Variants in IMMP2L observed in about 807,000 individuals in gnomAD.
IMMP2L encodes the protein inner mitochondrial membrane peptidase subunit 2.
Under a neutral mutation model 19.3 loss-of-function variants are expected in IMMP2L, and 18 were observed. The observed-to-expected ratio is 0.93, with a 90% CI of 0.64 to 1.38. The LOEUF (loss-of-function observed/expected upper bound fraction) is 1.38. Among genes scored for constraint, IMMP2L ranks in the 40% most tolerant of loss-of-function variants. The probability of loss-of-function intolerance (pLI) is 0.00; values close to 1 mark genes in which losing one functional copy is unlikely to be tolerated. For missense variants in IMMP2L, 233 were observed against 218.2 expected, an observed-to-expected ratio of 1.07 and a Z score of -0.43; for synonymous variants, 76 against 73.0, an observed-to-expected ratio of 1.04 and a Z score of -0.21.
intron 3 of IMMP2L, among the ~76,000 whole-genome samples, chr7:111,057,367 A>C (rs563774960): frequency 8.5e-5 from 13 of 152,288 alleles, no homozygotes; most frequent in Admixed American, 8.5e-4. Context: ...GTTGGTTTTT[A>C]AAACAATAGT....
chr7:110,738,050 C>A (rs1032051568), intron 5 of IMMP2L, among the ~76,000 whole-genome samples: 2 of 152,220 alleles, frequency 1.3e-5, no homozygotes, highest in Non-Finnish European at 2.9e-5. Context: ...GACAAAAAAT[C>A]TGCACAGCAG....
intron 4 of IMMP2L, among the ~76,000 whole-genome samples, chr7:110,927,278 A>G (rs1305140065): frequency 6.6e-6 from 1 of 152,134 alleles, no homozygotes; most frequent in African/African-American, 2.4e-5. Context: ...CCGTATAGAC[A>G]TAGAGAGAGA....
At chr7:111,524,079 T>C (rs900493826) in intron 1 of IMMP2L, among the ~76,000 whole-genome samples, 1 of 152,106 alleles carries the variant, frequency 6.6e-6, no homozygotes, top group African/African-American at 2.4e-5. Flanking sequence ...GACATATTTA[T>C]CAAATCAGTA....
chr7:110,782,562 G>A (rs1799810707), intron 5 of IMMP2L, among the ~76,000 whole-genome samples: 1 of 151,742 alleles, frequency 6.6e-6, no homozygotes, highest in African/African-American at 2.4e-5. Flanking sequence ...CTGTCAAGCA[G>A]TTTGACACAG....
chr7:111,142,025 C>T (rs899786580), intron 3 of IMMP2L, among the ~76,000 whole-genome samples: 1 of 152,076 alleles, frequency 6.6e-6, no homozygotes, highest in African/African-American at 2.4e-5. Context: ...ATTTTGCATA[C>T]ATGAAAATCT....
rs1562903261 is a variant in IMMP2L at position 110,669,073 on chromosome 7, GTGTGTGTGTGTGTGTGTA to G, written c.409-5370_409-5353del. On this transcript the variant is annotated intron_variant, in intron 5 of 5. Coordinates refer to ENST00000405709, the MANE Select transcript of IMMP2L (RefSeq NM_032549.4). ...TGTGCGTGTGTGTGTGTGTGTGTGT[GTGTGTGTGTGTGTGTGTA>G]TATGTATATATATATATAGAGAGAG... Among the ~76,000 whole-genome samples the G allele has an allele frequency of 7.3e-4, 76 of 104,042 alleles. 1 individual carries two copies. The East Asian group carries it at 0.016, about 22-fold the overall frequency. 68.3% of individuals were successfully genotyped at this position (104,042 alleles called of 152,430 possible).
intron 1 of IMMP2L, among the ~76,000 whole-genome samples, chr7:111,539,210 G>A (rs1436041801): frequency 2.9e-5 from 2 of 67,982 alleles, no homozygotes; most frequent in Non-Finnish European, 6.0e-5. Context: ...AAGAAAGAAA[G>A]AAAGAAAGAA....
intron 5 of IMMP2L, among the ~76,000 whole-genome samples, chr7:110,788,159 C>A (rs1169382662): frequency 1.3e-5 from 2 of 151,972 alleles, no homozygotes; most frequent in Non-Finnish European, 2.9e-5. Context: ...AAAGTCATTA[C>A]TTTCATCTAC....
chr7:111,451,931 T>C (rs772717697), intron 3 of IMMP2L, among the ~76,000 whole-genome samples: 1 of 152,158 alleles, frequency 6.6e-6, no homozygotes, highest in East Asian at 1.9e-4. Context: ...ACACAGGTCA[T>C]AGGGAATAAA....
intron 3 of IMMP2L, among the ~76,000 whole-genome samples, chr7:111,362,455 T>C (rs1025988135): frequency 8.5e-5 from 13 of 152,080 alleles, no homozygotes; most frequent in African/African-American, 2.9e-4. Context: ...TCATTGCTAG[T>C]ATAAGGTTTC....
chr7:111,482,112 T>G (rs921396307), intron 3 of IMMP2L, among the ~76,000 whole-genome samples: 1 of 152,142 alleles, frequency 6.6e-6, no homozygotes, highest in Non-Finnish European at 1.5e-5. Context: ...TCCAAATTAT[T>G]ATGATTTTAA....
chr7:111,376,213 T>A lies in IMMP2L; in HGVS notation c.239+111025A>T, dbSNP rs551038307. ...CAAATATCTAAACAAATCTGACAAG[T>A]TTTTTGGTAAAAAAAATAAATTCCA... On this transcript the variant is annotated intron_variant, in intron 3 of 5. Coordinates refer to ENST00000405709, the MANE Select transcript of IMMP2L (RefSeq NM_032549.4). Among the ~76,000 whole-genome samples the A allele has an allele frequency of 8.5e-5, 13 of 152,104 alleles. No homozygotes were observed. In the South Asian group the frequency reaches 2.7e-3, roughly 32 times the overall value.
At chr7:110,948,131 A>G (rs1194226494) in intron 4 of IMMP2L, among the ~76,000 whole-genome samples, 1 of 152,224 alleles carries the variant, frequency 6.6e-6, no homozygotes, top group African/African-American at 2.4e-5. Context: ...GAGGAGAACC[A>G]TTCAGACTCT....
At chr7:111,242,673 A>G (rs957087893) in intron 3 of IMMP2L, among the ~76,000 whole-genome samples, 1 of 152,040 alleles carries the variant, frequency 6.6e-6, no homozygotes, top group African/African-American at 2.4e-5. Flanking sequence ...GGCCTCGTGC[A>G]TCACTGAATG....
At chr7:111,121,061 T>C (rs1800549199) in intron 3 of IMMP2L, among the ~76,000 whole-genome samples, 1 of 152,164 alleles carries the variant, frequency 6.6e-6, no homozygotes, top group African/African-American at 2.4e-5. Context: ...AAGCAAAGAT[T>C]TGAAATAACA....
chr7:111,040,148 G>A (rs1444936416), intron 3 of IMMP2L, among the ~76,000 whole-genome samples: 2 of 152,058 alleles, frequency 1.3e-5, no homozygotes, highest in African/African-American at 4.8e-5. Context: ...CAGCCTGGGT[G>A]ACAAGACCAA....
intron 3 of IMMP2L, among the ~76,000 whole-genome samples, chr7:111,171,925 G>A (rs1460383308): frequency 1.3e-5 from 2 of 150,930 alleles, no homozygotes; most frequent in African/African-American, 4.8e-5. Context: ...GTGGTTAGGG[G>A]TGAAGAAAGG....
At chr7:111,095,204 G>C (rs1412732835) in intron 3 of IMMP2L, among the ~76,000 whole-genome samples, 1 of 151,972 alleles carries the variant, frequency 6.6e-6, no homozygotes, top group Non-Finnish European at 1.5e-5. Flanking sequence ...GACATTAGTA[G>C]CTAGTCTAAT....
intron 5 of IMMP2L, among the ~76,000 whole-genome samples, chr7:110,744,544 A>C (rs1797200353): frequency 6.6e-6 from 1 of 152,162 alleles, no homozygotes; most frequent in Non-Finnish European, 1.5e-5. Flanking sequence ...AAGCTTCCAG[A>C]GGATAGAATA....
Sources: gnomAD v4.1 joint callset for allele counts (sites outside exome capture counted in the v4.1 genomes callset) on GRCh38, gnomAD v4.1.1 for gene constraint, MANE v1.5 for transcripts, NCBI Gene and HGNC (gene_info 2026-07-23, HGNC 2026-07-21) for gene names.